Variants in MMEL1 observed in about 807,000 individuals in gnomAD.
MMEL1 encodes the protein membrane metalloendopeptidase like 1, also known as membrane metallo-endopeptidase-like 1.
Under a neutral mutation model 117.1 loss-of-function variants are expected in MMEL1, and 98 were observed. The observed-to-expected ratio is 0.84, with a 90% CI of 0.71 to 0.99. MMEL1 has a LOEUF of 0.99. MMEL1 is among the 50% of genes least tolerant of loss of function. The probability of loss-of-function intolerance (pLI) is 0.00; values close to 1 mark genes in which losing one functional copy is unlikely to be tolerated. For missense variants in MMEL1, 1,014 were observed against 1,049.1 expected, an observed-to-expected ratio of 0.97 and a Z score of 0.46; for synonymous variants, 390 against 415.1, an observed-to-expected ratio of 0.94 and a Z score of 0.74.
chr1:2,604,137 G>T lies in MMEL1; in HGVS notation c.951+10C>A, dbSNP rs1211562189. 14 of 902,576 alleles carry T rather than the reference G, an allele frequency of 1.6e-5. No individual in the cohort carries two copies. The highest frequency in any genetic ancestry group is 2.3e-5 in the Non-Finnish European group (13 of 557,438). The allele number at this position is 902,576 out of a possible 1,614,324, so 55.9% of individuals were successfully genotyped here. ...CGCTGCCCGCTCCCCACCCGCCCCG[G>T]CCCCCTTACCTTGGCCAGCTGTGTC... On this transcript the variant is annotated intron_variant, in intron 10 of 23. Coordinates refer to ENST00000378412, the MANE Select transcript of MMEL1 (RefSeq NM_033467.4).
intron 10 of MMEL1, 66 bp from the exon 11 acceptor site, chr1:2,604,039 C>T (rs1644978040): frequency 1.3e-6 from 2 of 1,590,260 alleles, no homozygotes; most frequent in East Asian, 2.2e-5. Flanking sequence ...CTGGCCCAGT[C>T]CCTGCCTGCT....
At chr1:2,600,720 C>CTGT (rs138055647) in intron 11 of MMEL1, among the ~76,000 whole-genome samples, 87,967 of 151,602 alleles carry the variant, frequency 0.58, 26,600 homozygotes, top group Non-Finnish European at 0.68. Flanking sequence ...CCCAACCCCC[C>CTGT]TGTTTTTTTA....
At chr1:2,604,032 G>T in intron 10 of MMEL1, 59 bp from the exon 11 acceptor site, 1 of 1,591,998 alleles carries the variant, frequency 6.3e-7, no homozygotes, top group Non-Finnish European at 8.6e-7. Context: ...GGGGCTCCTG[G>T]CCCAGTCCCT....
Position 2,592,842 on chromosome 1 carries a change from G to C in MMEL1, c.1992C>G (p.Asp664Glu), listed in dbSNP as rs537491579. 1 of 1,613,534 alleles carries C rather than the reference G, an allele frequency of 6.2e-7. No individual in the cohort carries two copies. The highest frequency in any genetic ancestry group is 8.5e-7 in the Non-Finnish European group (1 of 1,179,894). Residue 664 changes from aspartate to glutamate, a missense_variant, in exon 20 of 24, where the codon GAC (aspartate) becomes GAG (glutamate). Coordinates refer to ENST00000378412, the MANE Select transcript of MMEL1 (RefSeq NM_033467.4). Reference sequence around the variant, plus strand: ...TGGTGGCAGCGCTCACGTTCTGTTCGTCTGCCAGGTCCCAGGAGTAGTTGC... The same window carrying C: ...TGGTGGCAGCGCTCACGTTCTGTTCCTCTGCCAGGTCCCAGGAGTAGTTGC... ...QYGNYSWDLA[D>E]EQNVNGFNTL... is the part of the protein sequence containing the mutation.
intron 5 of MMEL1, 29 bp downstream of exon 5, chr1:2,609,641 C>G (rs768317076): frequency 1.9e-6 from 3 of 1,592,000 alleles, no homozygotes; most frequent in Non-Finnish European, 2.6e-6. Context: ...CGGCGTCACC[C>G]CACTGCACCC....
At position 2,609,291 on chromosome 1, in the gene MMEL1, C is replaced by T. The variant is rs369377172; in HGVS notation, c.535+48G>A. Reference sequence around the variant, plus strand: ...CTGCGCTAGGCCCTGGCAGGGGCAGCCCGCCCCCGTCCCCTGCCTCGGCCC... The same window carrying T: ...CTGCGCTAGGCCCTGGCAGGGGCAGTCCGCCCCCGTCCCCTGCCTCGGCCC... On this transcript the variant is annotated intron_variant, in intron 6 of 23. Transcript: ENST00000378412. 8.3e-5 allele frequency: 129 copies of T among 1,559,538 alleles called. No individual in the cohort carries two copies. In the South Asian group the frequency reaches 1.0e-3, roughly 12 times the overall value.
intron 2 of MMEL1, among the ~76,000 whole-genome samples, chr1:2,622,696 C>T: frequency 6.6e-6 from 1 of 151,846 alleles, no homozygotes. Context: ...AGCAGCCTGG[C>T]CAACATGTCA....
chr1:2,602,392 C>T (rs936088174), intron 11 of MMEL1, among the ~76,000 whole-genome samples: 6 of 152,156 alleles, frequency 3.9e-5, no homozygotes, highest in South Asian at 2.1e-4. Flanking sequence ...CTGAACCTGC[C>T]GCTGTGATGT....
Position 2,592,949 on chromosome 1 carries a change from T to A in MMEL1, c.1885A>T (p.Asn629Tyr). The A allele has an allele frequency of 6.2e-7, 1 of 1,613,560 alleles. No individual in the cohort carries two copies. Among genetic ancestry groups the A allele is most frequent in the Non-Finnish European group, 8.5e-7 (1 of 1,179,896 alleles). Residue 629 changes from asparagine to tyrosine, a missense_variant, in exon 20 of 24, where the codon AAT (asparagine) becomes TAT (tyrosine). Coordinates refer to ENST00000378412, the MANE Select transcript of MMEL1 (RefSeq NM_033467.4). ...FDDNGRNFDK[N>Y]GNMMDWWSNF... is the part of the protein sequence containing the mutation. ...CTCCACCAATCCATCATGTTGCCATTCTTGTCGAAGTTCCGGCCTGGGCAG... is the reference window on the plus strand; with the variant it reads ...CTCCACCAATCCATCATGTTGCCATACTTGTCGAAGTTCCGGCCTGGGCAG...
In MMEL1 at chr1:2,592,703, G is replaced by C. The variant is rs1248401668; in HGVS notation, c.2019C>G (p.Thr673=). The change falls in exon 21 of 24, where the codon ACC becomes ACG. Residue 673 remains threonine (T), a synonymous_variant. Coordinates refer to ENST00000378412, the MANE Select transcript of MMEL1 (RefSeq NM_033467.4). ...CGTTGTCAGCAATGTTTTCCCCAAG[G>C]GTGTTGAATCCGTTCACCTGCGCAC... is the stretch of plus-strand genomic sequence containing the variant. ...ADEQNVNGFN[T]LGENIADNGG... The C allele has an allele frequency of 6.2e-7, 1 of 1,610,626 alleles. No homozygotes were observed. Among genetic ancestry groups the C allele is most frequent in the Admixed American group, 1.7e-5 (1 of 59,810 alleles).
At chr1:2,591,304 C>T in intron 23 of MMEL1, 1 of 597,880 alleles carries the variant, frequency 1.7e-6, no homozygotes. Context: ...TATTCCAACT[C>T]TGCAATAAAA....
At chr1:2,599,628 C>T (rs778277359) in intron 11 of MMEL1, among the ~76,000 whole-genome samples, 6 of 152,150 alleles carry the variant, frequency 3.9e-5, no homozygotes, top group Non-Finnish European at 7.3e-5. Context: ...GAGGTCGAGG[C>T]GGGCAGATCA....
intron 6 of MMEL1, 99 bp downstream of exon 6, chr1:2,609,240 C>A: frequency 2.5e-6 from 3 of 1,218,768 alleles, no homozygotes; most frequent in Non-Finnish European, 2.4e-6. Flanking sequence ...CACTCCTACC[C>A]TAGGGGCAGC....
In MMEL1 at chr1:2,598,780, C is replaced by T. The variant is rs768914853; in HGVS notation, c.1052G>A (p.Trp351Ter). 1.2e-6 allele frequency: 2 copies of T among 1,612,368 alleles called. No individual in the cohort carries two copies. The highest frequency in any genetic ancestry group is 2.7e-5 in the African/African-American group (2 of 74,860). ...QSQFGLKGFN[W>*]TLFIQTVLSS... ...TAGCACAGTTTGTATGAACAGAGTC[C>T]AGTTAAATCCCTGCAGATAGAGGAA... The change falls in exon 12 of 24, where the codon TGG becomes TAG. Residue 351 changes from tryptophan to a stop codon, truncating the protein, a stop_gained. Coordinates refer to ENST00000378412, the MANE Select transcript of MMEL1 (RefSeq NM_033467.4). LOFTEE classifies it high-confidence loss of function.
At chr1:2,621,759 C>T (rs1313897007) in intron 2 of MMEL1, among the ~76,000 whole-genome samples, 1 of 152,176 alleles carries the variant, frequency 6.6e-6, no homozygotes, top group Non-Finnish European at 1.5e-5. Flanking sequence ...GATGGGGTTT[C>T]TCACATTGGT....
intron 2 of MMEL1, among the ~76,000 whole-genome samples, chr1:2,613,566 C>A (rs1034440741): frequency 3.9e-5 from 6 of 152,240 alleles, no homozygotes; most frequent in African/African-American, 1.4e-4. Flanking sequence ...TAGAAACCCA[C>A]GAGAGCTGAG....
At position 2,607,532 on chromosome 1, in the gene MMEL1, C is replaced by T. The variant is rs546244296; in HGVS notation, c.536-463G>A. Among the ~76,000 whole-genome samples the T allele has an allele frequency of 6.5e-4, 99 of 152,108 alleles. 2 individuals are homozygous for T. The highest frequency in any genetic ancestry group is 2.2e-3 in the African/African-American group (91 of 41,506). On this transcript the variant is annotated intron_variant, in intron 6 of 23. Coordinates refer to ENST00000378412, the MANE Select transcript of MMEL1 (RefSeq NM_033467.4). Reference sequence around the variant, plus strand: ...TGGGGCCTGTGTGTGTCCTGTGTCTCGGCTCAGCACGGTGGGGCCCCGACA... The same window carrying T: ...TGGGGCCTGTGTGTGTCCTGTGTCTTGGCTCAGCACGGTGGGGCCCCGACA...
chr1:2,597,337 C>T (rs1455254614), intron 13 of MMEL1, among the ~76,000 whole-genome samples: 2 of 152,148 alleles, frequency 1.3e-5, no homozygotes, highest in African/African-American at 2.4e-5. Flanking sequence ...ACCTACCCCC[C>T]CATGGCAACA....
chr1:2,606,402 G>A, intron 7 of MMEL1, 36 bp from the exon 8 acceptor site: 2 of 1,553,746 alleles, frequency 1.3e-6, no homozygotes, highest in Non-Finnish European at 1.8e-6. Context: ...AGACTGGCGG[G>A]CCCTGGGGCC....
Sources: gnomAD v4.1 joint callset for allele counts (sites outside exome capture counted in the v4.1 genomes callset) on GRCh38, gnomAD v4.1.1 for gene constraint, MANE v1.5 for transcripts, NCBI Gene and HGNC (gene_info 2026-07-23, HGNC 2026-07-21) for gene names.